SMYD3: variants seen among roughly 807,000 people sequenced by gnomAD.
The protein encoded by SMYD3 is SET and MYND domain containing 3.
In SMYD3, 36 loss-of-function variants were observed where a neutral mutation model predicts 57.7. The observed-to-expected ratio is 0.62, with a 90% CI of 0.48 to 0.82. The LOEUF is 0.82. SMYD3 is among the 40% of genes least tolerant of loss of function. The pLI is 0.00. For missense variants in SMYD3, 515 were observed against 538.8 expected (o/e 0.96, Z 0.44); for synonymous variants, 211 against 195.0 (o/e 1.08, Z -0.68).
At chr1:245,965,098 A>G (rs978971191) in intron 5 of SMYD3, among the ~76,000 whole-genome samples, 7 of 152,158 alleles carry the variant, frequency 4.6e-5, no homozygotes, top group African/African-American at 1.7e-4. Context: ...GAAGAAGAAC[A>G]TACTTCAGTG....
At chr1:246,191,002 T>C (rs899992011) in intron 5 of SMYD3, among the ~76,000 whole-genome samples, 2 of 152,090 alleles carry the variant, frequency 1.3e-5, no homozygotes, top group African/African-American at 4.8e-5. Flanking sequence ...TGACACCGGG[T>C]TCAAGACACT....
At chr1:246,006,839 C>T (rs1309990886) in intron 5 of SMYD3, among the ~76,000 whole-genome samples, 1 of 152,122 alleles carries the variant, frequency 6.6e-6, no homozygotes, top group Non-Finnish European at 1.5e-5. Flanking sequence ...CTATTGAAGA[C>T]TCCATAACAA....
At chr1:246,323,985 T>C (rs1310426612) in intron 5 of SMYD3, among the ~76,000 whole-genome samples, 1 of 152,122 alleles carries the variant, frequency 6.6e-6, no homozygotes, top group Non-Finnish European at 1.5e-5. Flanking sequence ...GATAGAAACA[T>C]GAAGATTCAT....
chr1:246,430,904 ACCAGGAACGT>A (rs1031981485), intron 1 of SMYD3, among the ~76,000 whole-genome samples: 1 of 152,184 alleles, frequency 6.6e-6, no homozygotes, highest in African/African-American at 2.4e-5. Flanking sequence ...AGGAAGGAAA[ACCAGGAACGT>A]GGGAAAAGAG....
At chr1:246,472,530 C>G (rs575154390) in intron 1 of SMYD3, among the ~76,000 whole-genome samples, 1 of 152,188 alleles carries the variant, frequency 6.6e-6, no homozygotes, top group Non-Finnish European at 1.5e-5. Context: ...ATCAGTTGGG[C>G]ACAGGAGTTT....
chr1:246,336,401 T>A (rs2065545448), intron 2 of SMYD3, among the ~76,000 whole-genome samples: 1 of 152,230 alleles, frequency 6.6e-6, no homozygotes, highest in African/African-American at 2.4e-5. Context: ...CTGATACCAC[T>A]TACTCATTCT....
intron 10 of SMYD3, among the ~76,000 whole-genome samples, chr1:245,787,789 G>A (rs201821509): frequency 1.1e-4 from 17 of 152,284 alleles, no homozygotes; most frequent in Non-Finnish European, 1.5e-4. Flanking sequence ...ATTTTCATCC[G>A]TGGGAAGGAA....
At chr1:245,929,821 G>T (rs765251176) in intron 6 of SMYD3, 49 bp downstream of exon 6, 1 of 1,452,940 alleles carries the variant, frequency 6.9e-7, no homozygotes, top group East Asian at 2.3e-5. Flanking sequence ...GGGGATTTGG[G>T]TGGGAATGAA....
chr1:245,921,485 T>C (rs185989944), intron 7 of SMYD3, among the ~76,000 whole-genome samples: 1 of 151,368 alleles, frequency 6.6e-6, no homozygotes, highest in African/African-American at 2.4e-5. Flanking sequence ...CACAGTACTA[T>C]TCACAATAGC....
chr1:246,196,233 T>TGCTTGTA (rs2062829555), intron 5 of SMYD3, among the ~76,000 whole-genome samples: 2 of 152,218 alleles, frequency 1.3e-5, no homozygotes, highest in Non-Finnish European at 2.9e-5. Context: ...GACTGATCAA[T>TGCTTGTA]GCTTGTACAG....
At chr1:246,099,255 T>TA (rs1166335484) in intron 5 of SMYD3, among the ~76,000 whole-genome samples, 2 of 152,338 alleles carry the variant, frequency 1.3e-5, no homozygotes, top group East Asian at 3.9e-4. Context: ...AACAGTTCTC[T>TA]AAGTTATTAG....
At chr1:245,883,947 AT>A (rs1186568780) in intron 8 of SMYD3, among the ~76,000 whole-genome samples, 2 of 151,936 alleles carry the variant, frequency 1.3e-5, no homozygotes, top group South Asian at 2.1e-4. Flanking sequence ...AAGTTTCATG[AT>A]TTTTTTTCCT....
intron 10 of SMYD3, among the ~76,000 whole-genome samples, chr1:245,854,977 C>T (rs1226337804): frequency 6.6e-6 from 1 of 152,210 alleles, no homozygotes; most frequent in Non-Finnish European, 1.5e-5. Context: ...GTCTATCTGG[C>T]TCTGGAATAT....
intron 1 of SMYD3, among the ~76,000 whole-genome samples, chr1:246,386,071 G>A (rs1301569219): frequency 1.3e-5 from 2 of 152,212 alleles, no homozygotes; most frequent in East Asian, 3.9e-4. Context: ...TGTATTTTTA[G>A]TAGAGACAGG....
chr1:246,333,283 G>C (rs2065489617), intron 3 of SMYD3, among the ~76,000 whole-genome samples: 1 of 152,096 alleles, frequency 6.6e-6, no homozygotes, highest in South Asian at 2.1e-4. Context: ...GTGATAGCAA[G>C]AACGAAGGAG....
chr1:246,092,377 T>G (rs919994954), intron 5 of SMYD3, among the ~76,000 whole-genome samples: 1 of 152,208 alleles, frequency 6.6e-6, no homozygotes, highest in African/African-American at 2.4e-5. Flanking sequence ...AACCATCCTG[T>G]ACATTAAAAA....
chr1:246,504,090 A>G (rs942487936), intron 1 of SMYD3, among the ~76,000 whole-genome samples: 2 of 152,170 alleles, frequency 1.3e-5, no homozygotes, highest in East Asian at 3.9e-4. Context: ...TAATGAGAGG[A>G]AAAAGGTAAG....
At chr1:246,228,890 A>T (rs1212308454) in intron 5 of SMYD3, among the ~76,000 whole-genome samples, 1 of 152,158 alleles carries the variant, frequency 6.6e-6, no homozygotes, top group Non-Finnish European at 1.5e-5. Flanking sequence ...CTTTGAGACA[A>T]AAATCAAAAC....
At chr1:246,128,453 A>C (rs570903815) in intron 5 of SMYD3, among the ~76,000 whole-genome samples, 1 of 152,254 alleles carries the variant, frequency 6.6e-6, no homozygotes, top group Non-Finnish European at 1.5e-5. Flanking sequence ...ACAATAGCAC[A>C]TACCATTTAC....
Sources: gnomAD v4.1 joint callset for allele counts (sites outside exome capture counted in the v4.1 genomes callset) on GRCh38, gnomAD v4.1.1 for gene constraint, MANE v1.5 for transcripts, NCBI Gene and HGNC (gene_info 2026-07-23, HGNC 2026-07-21) for gene names.